DPP10: variants seen among roughly 807,000 people sequenced by gnomAD.
The protein encoded by DPP10 is inactive dipeptidyl peptidase 10.
A neutral mutation model predicts 120.9 loss-of-function variants in DPP10; 33 were observed. That is an observed-to-expected ratio of 0.27 (90% confidence interval 0.21 to 0.37). The LOEUF is 0.37. Among genes scored for constraint, DPP10 ranks in the 10% least tolerant of loss-of-function variants. DPP10 has a pLI of 1.00. For missense variants in DPP10, 816 were observed against 942.8 expected (o/e 0.87, Z 1.76); for synonymous variants, 337 against 326.1 (o/e 1.03, Z -0.36).
intron 1 of DPP10, among the ~76,000 whole-genome samples, chr2:114,508,224 A>G (rs1346310382): frequency 1.3e-5 from 2 of 152,160 alleles, no homozygotes; most frequent in African/African-American, 4.8e-5. Context: ...ATCACCCTAA[A>G]ACATTTCCTC....
At chr2:115,426,978 T>C (rs2070532775) in intron 3 of DPP10, among the ~76,000 whole-genome samples, 1 of 152,168 alleles carries the variant, frequency 6.6e-6, no homozygotes, top group Non-Finnish European at 1.5e-5. Context: ...TGGTAAACAT[T>C]CCCATTCCCA....
intron 1 of DPP10, among the ~76,000 whole-genome samples, chr2:114,489,823 A>G (rs1681831251): frequency 6.6e-6 from 1 of 152,112 alleles, no homozygotes; most frequent in African/African-American, 2.4e-5. Flanking sequence ...AAGCATATAA[A>G]CCTGGGTTTG....
intron 19 of DPP10, among the ~76,000 whole-genome samples, chr2:115,807,292 T>C (rs1314302750): frequency 6.6e-6 from 1 of 152,218 alleles, no homozygotes; most frequent in Non-Finnish European, 1.5e-5. Flanking sequence ...CCTGAGGTCC[T>C]TTTCTATTGG....
chr2:115,501,101 TCATAAAGTAA>T (rs1227995891), intron 4 of DPP10, among the ~76,000 whole-genome samples: 7 of 152,118 alleles, frequency 4.6e-5, no homozygotes, highest in African/African-American at 1.7e-4. Flanking sequence ...TGCTTTTTCT[TCATAAAGTAA>T]CATAATTTTA....
chr2:114,552,970 C>T (rs1688006112), intron 1 of DPP10, among the ~76,000 whole-genome samples: 1 of 152,116 alleles, frequency 6.6e-6, no homozygotes, highest in African/African-American at 2.4e-5. Context: ...CTTTAATTTC[C>T]TCATTCAAAG....
intron 1 of DPP10, among the ~76,000 whole-genome samples, chr2:115,219,563 A>T (rs1162111298): frequency 6.6e-6 from 1 of 152,190 alleles, no homozygotes. Context: ...TATAACAATA[A>T]AAGGTGCTGT....
At chr2:115,592,772 G>T (rs897011499) in intron 5 of DPP10, among the ~76,000 whole-genome samples, 6 of 150,626 alleles carry the variant, frequency 4.0e-5, no homozygotes, top group Non-Finnish European at 8.9e-5. Flanking sequence ...AAAAAAGAAA[G>T]AAAGAAAAAA....
chr2:115,635,279 G>A (rs1020757101), intron 5 of DPP10, among the ~76,000 whole-genome samples: 4 of 152,126 alleles, frequency 2.6e-5, no homozygotes, highest in Non-Finnish European at 2.9e-5. Context: ...CCGAGTAGCC[G>A]CTGAGAATCT....
chr2:115,015,759 A>T (rs1056861536), intron 1 of DPP10, among the ~76,000 whole-genome samples: 1 of 152,186 alleles, frequency 6.6e-6, no homozygotes, highest in Non-Finnish European at 1.5e-5. Context: ...ATTGCTACAA[A>T]GAGAATAAAA....
chr2:115,471,847 T>C (rs770300557), intron 3 of DPP10, among the ~76,000 whole-genome samples: 1 of 152,028 alleles, frequency 6.6e-6, no homozygotes, highest in Non-Finnish European at 1.5e-5. Flanking sequence ...CTTGGGGTCC[T>C]GGGCTCGAGT....
intron 1 of DPP10, among the ~76,000 whole-genome samples, chr2:115,004,424 G>A (rs1184958778): frequency 6.6e-6 from 1 of 152,234 alleles, no homozygotes; most frequent in Non-Finnish European, 1.5e-5. Context: ...CGACGCAGAA[G>A]ACAGGTGATT....
rs1040086040 is a variant in DPP10, at chr2:114,642,686, C to T, written c.60+199848C>T. ...GGGGAGCACAGTGATGAAGTGAAAGCTTCACCTTTCAGGAATTCTACACAG... is the reference window on the plus strand; with the variant it reads ...GGGGAGCACAGTGATGAAGTGAAAGTTTCACCTTTCAGGAATTCTACACAG... On this transcript the variant is annotated intron_variant, in intron 1 of 25. Transcript: ENST00000410059. Among the ~76,000 whole-genome samples the T allele has an allele frequency of 3.3e-5, 5 of 151,634 alleles. 1 individual carries two copies. Among genetic ancestry groups the T allele is most frequent in the African/African-American group, 1.2e-4 (5 of 41,038 alleles).
intron 1 of DPP10, among the ~76,000 whole-genome samples, chr2:114,589,059 A>C (rs1171460372): frequency 1.3e-5 from 2 of 150,612 alleles, no homozygotes; most frequent in Admixed American, 6.6e-5. Context: ...TAGGGGACGT[A>C]CTGTTTATAA....
intron 4 of DPP10, among the ~76,000 whole-genome samples, chr2:115,501,123 G>A (rs1454920978): frequency 2.6e-5 from 4 of 151,914 alleles, no homozygotes; most frequent in African/African-American, 9.7e-5. Flanking sequence ...ATAATTTTAT[G>A]GAGATTCTAG....
intron 21 of DPP10, among the ~76,000 whole-genome samples, chr2:115,831,149 A>G (rs1688880424): frequency 6.6e-6 from 1 of 152,222 alleles, no homozygotes; most frequent in South Asian, 2.1e-4. Context: ...TGTATTTATA[A>G]AATTCTTTAT....
intron 1 of DPP10, among the ~76,000 whole-genome samples, chr2:114,590,381 A>G (rs567613404): frequency 6.6e-6 from 1 of 152,316 alleles, no homozygotes; most frequent in Non-Finnish European, 1.5e-5. Context: ...ATCTTCACTC[A>G]TTCATCAATG....
At chr2:115,279,655 CTTTTTTTTTTTTTTTTT>C (rs70941039) in intron 1 of DPP10, among the ~76,000 whole-genome samples, 5 of 42,712 alleles carry the variant, frequency 1.2e-4, no homozygotes, top group Admixed American at 4.4e-4. Context: ...TTTTCTTCTT[CTTTTTTTTTTTTTTTTT>C]TTTTTTTTTT....
At chr2:114,932,474 A>G (rs747304778) in intron 1 of DPP10, among the ~76,000 whole-genome samples, 3 of 152,268 alleles carry the variant, frequency 2.0e-5, no homozygotes, top group Non-Finnish European at 4.4e-5. Flanking sequence ...CCTAAAAAGA[A>G]CAAATTTTTT....
intron 1 of DPP10, among the ~76,000 whole-genome samples, chr2:114,740,194 C>A (rs1292085556): frequency 1.3e-5 from 2 of 151,508 alleles, no homozygotes; most frequent in African/African-American, 4.9e-5. Context: ...ATGATGAGTT[C>A]ATGTCCTTTG....
Sources: gnomAD v4.1 joint callset for allele counts (sites outside exome capture counted in the v4.1 genomes callset) on GRCh38, gnomAD v4.1.1 for gene constraint, MANE v1.5 for transcripts, NCBI Gene and HGNC (gene_info 2026-07-23, HGNC 2026-07-21) for gene names.